The following CPNE4 variants were observed in gnomAD, a reference collection of about 807,000 sequenced individuals.
CPNE4 encodes the protein copine-4.
CPNE4 carries 25 observed loss-of-function variants against 67.9 expected under a neutral mutation model. The observed-to-expected ratio is 0.37, with a 90% confidence interval of 0.27 to 0.51. The LOEUF is 0.51. CPNE4 is among the 20% of genes least tolerant of loss of function. The pLI, the probability that CPNE4 is intolerant of heterozygous loss-of-function variation, is 0.93. For synonymous variants in CPNE4, 242 were observed against 244.9 expected (o/e 0.99, Z 0.11); for missense variants, 464 against 690.8 (o/e 0.67, Z 3.68).
intron 7 of CPNE4, among the ~76,000 whole-genome samples, chr3:131,657,704 TTGTGTGTGTGTGTGTGTGTGTG>T (rs56890555): frequency 1.8e-4 from 26 of 140,936 alleles, no homozygotes; most frequent in Admixed American, 1.1e-3. Context: ...CCAGCTAATT[TTGTGTGTGTGTGTGTGTGTGTG>T]TGTGTGTGTG....
intron 2 of CPNE4, among the ~76,000 whole-genome samples, chr3:131,830,244 TC>T (rs1162829667): frequency 1.3e-5 from 2 of 152,146 alleles, no homozygotes; most frequent in African/African-American, 4.8e-5. Flanking sequence ...ATAAAATATA[TC>T]CAGAATATGA....
At chr3:131,903,958 T>C (rs989248380) in intron 2 of CPNE4, among the ~76,000 whole-genome samples, 1 of 152,100 alleles carries the variant, frequency 6.6e-6, no homozygotes, top group African/African-American at 2.4e-5. Context: ...CCGTGATCAG[T>C]TAGAGTCTAG....
intron 2 of CPNE4, among the ~76,000 whole-genome samples, chr3:131,752,399 T>C (rs534277996): frequency 6.6e-6 from 1 of 152,144 alleles, no homozygotes; most frequent in South Asian, 2.1e-4. Context: ...GAGAGTAGGC[T>C]TCTGCTGGGG....
intron 7 of CPNE4, among the ~76,000 whole-genome samples, chr3:131,623,212 G>C (rs1222345032): frequency 2.7e-5 from 4 of 149,806 alleles, no homozygotes; most frequent in African/African-American, 1.0e-4. Flanking sequence ...CTCTACTGTA[G>C]TGACATACTT....
intron 7 of CPNE4, among the ~76,000 whole-genome samples, chr3:131,652,343 T>C (rs1281805725): frequency 3.9e-5 from 6 of 152,232 alleles, no homozygotes; most frequent in African/African-American, 9.6e-5. Flanking sequence ...ATTTAGGAGA[T>C]TGTCACCAGG....
chr3:131,865,187 C>T (rs1320565350), intron 2 of CPNE4, among the ~76,000 whole-genome samples: 1 of 152,030 alleles, frequency 6.6e-6, no homozygotes, highest in Non-Finnish European at 1.5e-5. Context: ...TGTGTCTCTG[C>T]CAGGCTTTGG....
chr3:131,951,405 T>C (rs2071715953), intron 1 of CPNE4, among the ~76,000 whole-genome samples: 1 of 152,204 alleles, frequency 6.6e-6, no homozygotes, highest in Admixed American at 6.5e-5. Flanking sequence ...TGTTGGGGTT[T>C]TTTCTCATAT....
chr3:131,792,974 T>G (rs1403793550), intron 2 of CPNE4, among the ~76,000 whole-genome samples: 1 of 150,528 alleles, frequency 6.6e-6, no homozygotes, highest in African/African-American at 2.5e-5. Context: ...TCCACTCCCT[T>G]CTCCCATGTG....
At chr3:131,650,708 G>C (rs557604862) in intron 7 of CPNE4, among the ~76,000 whole-genome samples, 170 of 112,084 alleles carry the variant, frequency 1.5e-3, no homozygotes, top group Non-Finnish European at 2.4e-3. Flanking sequence ...TCGCGCCACT[G>C]CACTCCAGCC....
At chr3:131,651,121 A>G (rs2079806830) in intron 7 of CPNE4, among the ~76,000 whole-genome samples, 1 of 152,154 alleles carries the variant, frequency 6.6e-6, no homozygotes, top group African/African-American at 2.4e-5. Flanking sequence ...CAGAAAGGCA[A>G]AAGAGAGTTT....
intron 2 of CPNE4, among the ~76,000 whole-genome samples, chr3:131,743,984 A>AAAAAAAAAAAAAG (rs2082422421): frequency 6.7e-6 from 1 of 148,362 alleles, no homozygotes; most frequent in Non-Finnish European, 1.5e-5. Context: ...AAAAAAAAAA[A>AAAAAAAAAAAAAG]CAATAAAAGC....
chr3:131,563,785 T>G (rs1936913464), intron 11 of CPNE4, among the ~76,000 whole-genome samples: 1 of 152,062 alleles, frequency 6.6e-6, no homozygotes, highest in South Asian at 2.1e-4. Context: ...ACATACTATA[T>G]AAGGGTTAAT....
At chr3:131,603,584 T>C (rs1193008654) in intron 7 of CPNE4, among the ~76,000 whole-genome samples, 1 of 152,164 alleles carries the variant, frequency 6.6e-6, no homozygotes, top group Non-Finnish European at 1.5e-5. Flanking sequence ...ACATAATTTG[T>C]AACTTCATAA....
chr3:131,716,680 G>A (rs771581621), intron 3 of CPNE4, among the ~76,000 whole-genome samples: 16 of 152,276 alleles, frequency 1.1e-4, no homozygotes, highest in Non-Finnish European at 1.9e-4. Context: ...CCCATCCCGA[G>A]TGCTCCCTCC....
intron 7 of CPNE4, among the ~76,000 whole-genome samples, chr3:131,656,135 C>T (rs1459298688): frequency 6.6e-6 from 1 of 151,278 alleles, no homozygotes; most frequent in East Asian, 1.9e-4. Context: ...CTTTATCCTC[C>T]AGACTCTTCC....
At chr3:131,540,661 A>G (rs1935433055) in intron 15 of CPNE4, among the ~76,000 whole-genome samples, 1 of 152,202 alleles carries the variant, frequency 6.6e-6, no homozygotes, top group Non-Finnish European at 1.5e-5. Flanking sequence ...GTGTCTGGAT[A>G]TATCTGATAA....
At chr3:132,016,869 CTA>C (rs1264853235) in intron 1 of CPNE4, among the ~76,000 whole-genome samples, 1 of 152,180 alleles carries the variant, frequency 6.6e-6, no homozygotes, top group African/African-American at 2.4e-5. Flanking sequence ...AACTATAACA[CTA>C]TTATCGCCTT....
intron 2 of CPNE4, among the ~76,000 whole-genome samples, chr3:131,739,735 A>G (rs947118323): frequency 1.3e-5 from 2 of 152,268 alleles, no homozygotes; most frequent in African/African-American, 4.8e-5. Context: ...TGCCACAAGC[A>G]TCACAAGGTA....
chr3:131,550,116 G>A, intron 13 of CPNE4, 36 bp from the exon 14 acceptor site: 1 of 1,609,620 alleles, frequency 6.2e-7, no homozygotes, highest in African/African-American at 1.3e-5. Context: ...CAGCTCCAGA[G>A]TCACTCCAAA....
Sources: allele counts gnomAD v4.1 joint callset (sites outside exome capture counted in the v4.1 genomes callset), GRCh38; gene constraint gnomAD v4.1.1; transcripts MANE v1.5; gene names NCBI Gene and HGNC (gene_info 2026-07-23, HGNC 2026-07-21).